The following GADL1 variants were observed in gnomAD, a reference collection of about 807,000 sequenced individuals.
The protein encoded by GADL1 is acidic amino acid decarboxylase GADL1.
GADL1 carries 71 observed loss-of-function variants against 69.5 expected under a neutral mutation model. The ratio of observed to expected loss-of-function variants is 1.02; its 90% CI spans 0.84 to 1.25. The LOEUF (loss-of-function observed/expected upper bound fraction) is 1.25, where lower values mean the gene tolerates loss of function less well. Among genes scored for constraint, GADL1 ranks in the 50% most tolerant of loss-of-function variants. GADL1 has a pLI of 0.00. For missense variants in GADL1, 737 were observed against 631.8 expected, an observed-to-expected ratio of 1.17 and a Z score of -1.79; for synonymous variants, 254 against 214.4, an observed-to-expected ratio of 1.18 and a Z score of -1.62.
At chr3:30,864,731 A>T (rs1698371493) in intron 1 of GADL1, among the ~76,000 whole-genome samples, 1 of 152,018 alleles carries the variant, frequency 6.6e-6, no homozygotes. Flanking sequence ...GCTAGAGTTT[A>T]TAGTGGCTCT....
At chr3:30,827,664 G>T (rs1045131038) in intron 11 of GADL1, among the ~76,000 whole-genome samples, 1 of 151,798 alleles carries the variant, frequency 6.6e-6, no homozygotes, top group African/African-American at 2.4e-5. Context: ...GTTTTTTAAC[G>T]TGATGCACCT....
chr3:30,872,510 G>A (rs1414953964), intron 1 of GADL1, among the ~76,000 whole-genome samples: 1 of 151,826 alleles, frequency 6.6e-6, no homozygotes, highest in Non-Finnish European at 1.5e-5. Context: ...CTGAGATTCA[G>A]GGCTGAGTAA....
chr3:30,760,151 G>C (rs1696093502), intron 14 of GADL1, among the ~76,000 whole-genome samples: 1 of 152,148 alleles, frequency 6.6e-6, no homozygotes, highest in African/African-American at 2.4e-5. Context: ...GGATGTACCA[G>C]AAAGAGAAGG....
chr3:30,819,470 A>ATCAGCCTTTGCTCAGAGTAAAC (rs941913873), intron 11 of GADL1, among the ~76,000 whole-genome samples: 1 of 152,134 alleles, frequency 6.6e-6, no homozygotes, highest in Non-Finnish European at 1.5e-5. Context: ...ACTTTCATAA[A>ATCAGCCTTTGCTCAGAGTAAAC]TCAGCCTTTG....
chr3:30,760,779 G>A (rs1393969173), intron 14 of GADL1, among the ~76,000 whole-genome samples: 2 of 152,140 alleles, frequency 1.3e-5, no homozygotes, highest in Middle Eastern at 3.4e-3. Context: ...TCTAATCTTG[G>A]GACTTCTCCA....
chr3:30,799,668 T>C (rs529575859), intron 12 of GADL1: 3 of 152,322 alleles, frequency 2.0e-5, no homozygotes, highest in South Asian at 4.1e-4. Flanking sequence ...TTTTTTCTAC[T>C]GCATCGTCAG....
intron 10 of GADL1, 78 bp downstream of exon 10, chr3:30,834,139 A>G (rs1042952131): frequency 2.5e-6 from 3 of 1,215,160 alleles, no homozygotes; most frequent in South Asian, 2.6e-5. Context: ...GTTTTTTCCT[A>G]TTTTCAAAAT....
chr3:30,795,283 A>G lies in GADL1; in HGVS notation c.1250+5606T>C, dbSNP rs2125503992. On this transcript the variant is annotated intron_variant, in intron 12 of 14. Transcript: ENST00000282538. ...ACCCTGTCGGTGGTTTGAACAGATT[A>G]TGCTACTTCACATTATGCACATGGT... Among the ~76,000 whole-genome samples, 2 of 152,276 alleles carry G rather than the reference A, an allele frequency of 1.3e-5. 1 individual carries two copies. The highest frequency in any genetic ancestry group is 4.1e-4 in the South Asian group (2 of 4,820).
intron 11 of GADL1, among the ~76,000 whole-genome samples, chr3:30,802,630 G>A (rs1697185596): frequency 6.6e-6 from 1 of 152,226 alleles, no homozygotes; most frequent in East Asian, 1.9e-4. Flanking sequence ...CATTTCAAAT[G>A]AAAGCATAAG....
chr3:30,856,145 C>G (rs1361637671), intron 3 of GADL1, among the ~76,000 whole-genome samples: 1 of 152,000 alleles, frequency 6.6e-6, no homozygotes, highest in African/African-American at 2.4e-5. Context: ...GATACATACA[C>G]CAGACTTTCC....
intron 11 of GADL1, among the ~76,000 whole-genome samples, chr3:30,819,687 AAAAT>A (rs373543778): frequency 1.3e-5 from 2 of 152,150 alleles, no homozygotes; most frequent in Non-Finnish European, 1.5e-5. Flanking sequence ...AAGGACATGA[AAAAT>A]AAATGCAAAA....
intron 14 of GADL1, among the ~76,000 whole-genome samples, chr3:30,775,409 A>G (rs977337765): frequency 4.6e-5 from 7 of 152,244 alleles, no homozygotes; most frequent in African/African-American, 1.7e-4. Flanking sequence ...TATAAATCAT[A>G]TACTTGTATT....
At chr3:30,847,587 C>A (rs893868580) in intron 6 of GADL1, among the ~76,000 whole-genome samples, 1 of 152,102 alleles carries the variant, frequency 6.6e-6, no homozygotes, top group Admixed American at 6.5e-5. Flanking sequence ...AATGCTATAA[C>A]CTGACTCTTT....
chr3:30,810,170 C>T (rs917130909), intron 11 of GADL1, among the ~76,000 whole-genome samples: 2 of 152,128 alleles, frequency 1.3e-5, no homozygotes, highest in Non-Finnish European at 2.9e-5. Flanking sequence ...TGCTATCAGC[C>T]CTTTCACAAA....
At chr3:30,831,895 A>G (rs987044252) in intron 11 of GADL1, among the ~76,000 whole-genome samples, 21 of 151,942 alleles carry the variant, frequency 1.4e-4, no homozygotes, top group African/African-American at 4.6e-4. Context: ...TTATCAAAAC[A>G]GCAGTTAAAA....
At chr3:30,867,439 T>TATATATATATATACAC (rs1319135425) in intron 1 of GADL1, among the ~76,000 whole-genome samples, 5 of 138,838 alleles carry the variant, frequency 3.6e-5, no homozygotes, top group Non-Finnish European at 6.2e-5. Flanking sequence ...TATATATATA[T>TATATATATATATACAC]ACACATATAT....
In GADL1 at chr3:30,775,977, C is replaced by A. The variant is rs56795742; in HGVS notation, c.1392+2202G>T. 4.3e-3 allele frequency among the ~76,000 whole-genome samples: 653 copies of A among 152,148 alleles called. 16 individuals carry two copies. The East Asian group carries it at 0.081, about 19-fold the overall frequency. Reference sequence around the variant, plus strand: ...GTGGGTGCCTGTGATCACAGCTACTCGGGAGACTAGGGATGTGGGAATCGC... The same window carrying A: ...GTGGGTGCCTGTGATCACAGCTACTAGGGAGACTAGGGATGTGGGAATCGC... On this transcript the variant is annotated intron_variant, in intron 14 of 14. Transcript: ENST00000282538.
At chr3:30,756,475 T>C (rs895957523) in intron 14 of GADL1, among the ~76,000 whole-genome samples, 13 of 152,204 alleles carry the variant, frequency 8.5e-5, no homozygotes, top group Non-Finnish European at 7.3e-5. Flanking sequence ...TTTTGCACTG[T>C]GCCTTTGAAG....
chr3:30,790,337 C>G (rs913806442), intron 12 of GADL1, among the ~76,000 whole-genome samples: 5 of 152,130 alleles, frequency 3.3e-5, no homozygotes, highest in African/African-American at 9.7e-5. Flanking sequence ...ACAGTAACAT[C>G]AAACAGAACT....
Sources: gnomAD v4.1 joint callset for allele counts (sites outside exome capture counted in the v4.1 genomes callset) on GRCh38, gnomAD v4.1.1 for gene constraint, MANE v1.5 for transcripts, NCBI Gene and HGNC (gene_info 2026-07-23, HGNC 2026-07-21) for gene names.